Variants in CNTNAP5 observed in about 807,000 individuals in gnomAD.
CNTNAP5 encodes the protein contactin associated protein family member 5.
In CNTNAP5, 72 loss-of-function variants were observed where a neutral mutation model predicts 150.2. The observed-to-expected ratio is 0.48, with a 90% confidence interval of 0.40 to 0.58. The LOEUF (loss-of-function observed/expected upper bound fraction) is 0.58, where lower values mean the gene tolerates loss of function less well. CNTNAP5 is among the 20% of genes least tolerant of loss of function. The pLI is 0.00. For missense variants in CNTNAP5, 1,636 were observed against 1,626.2 expected (o/e 1.01, Z -0.10); for synonymous variants, 672 against 619.8 (o/e 1.08, Z -1.25).
intron 7 of CNTNAP5, among the ~76,000 whole-genome samples, chr2:124,476,632 A>G (rs541935334): frequency 2.0e-5 from 3 of 152,258 alleles, no homozygotes; most frequent in African/African-American, 7.2e-5. Context: ...ACTTGGTTCT[A>G]TCTGACAATG....
chr2:124,553,104 C>A (rs1217638683), intron 10 of CNTNAP5, among the ~76,000 whole-genome samples: 2 of 152,074 alleles, frequency 1.3e-5, no homozygotes, highest in Non-Finnish European at 2.9e-5. Context: ...TTTAAAATGC[C>A]ACTGTGTCCA....
intron 1 of CNTNAP5, chr2:124,134,997 A>G (rs1177727985): frequency 1.3e-5 from 2 of 152,212 alleles, no homozygotes; most frequent in Non-Finnish European, 2.9e-5. Flanking sequence ...CATTGAAATG[A>G]AAGGGATAAG....
At chr2:124,429,954 G>A (rs1175787414) in intron 4 of CNTNAP5, among the ~76,000 whole-genome samples, 3 of 152,156 alleles carry the variant, frequency 2.0e-5, no homozygotes, top group Non-Finnish European at 4.4e-5. Context: ...AGTCCATTGC[G>A]AGGCTCTGAA....
chr2:124,473,084 A>G (rs1436460957), intron 6 of CNTNAP5, among the ~76,000 whole-genome samples: 1 of 152,096 alleles, frequency 6.6e-6, no homozygotes, highest in Non-Finnish European at 1.5e-5. Context: ...CAGCATTTAC[A>G]TGATAAAATG....
intron 3 of CNTNAP5, among the ~76,000 whole-genome samples, chr2:124,306,934 G>T (rs1164201792): frequency 6.6e-6 from 1 of 151,704 alleles, no homozygotes; most frequent in Admixed American, 6.6e-5. Context: ...CACCATGTTG[G>T]CCAGGATGGT....
At chr2:124,723,074 C>CT (rs1218196104) in intron 13 of CNTNAP5, among the ~76,000 whole-genome samples, 1 of 152,126 alleles carries the variant, frequency 6.6e-6, no homozygotes, top group African/African-American at 2.4e-5. Flanking sequence ...CCACTTTCTA[C>CT]TTTTTGGCAA....
intron 1 of CNTNAP5, among the ~76,000 whole-genome samples, chr2:124,171,924 C>T (rs1208785246): frequency 6.6e-6 from 1 of 152,190 alleles, no homozygotes; most frequent in Non-Finnish European, 1.5e-5. Context: ...CTTGTGTACT[C>T]AAAGGCTGGC....
intron 6 of CNTNAP5, among the ~76,000 whole-genome samples, chr2:124,461,860 C>CAAAA (rs59177385): frequency 1.1e-5 from 1 of 87,112 alleles, no homozygotes. Context: ...GATTCCACCT[C>CAAAA]AAAAAAAAAA....
chr2:124,398,266 A>G (rs1691308725), intron 3 of CNTNAP5, among the ~76,000 whole-genome samples: 1 of 152,154 alleles, frequency 6.6e-6, no homozygotes, highest in South Asian at 2.1e-4. Flanking sequence ...GACAGCAAAT[A>G]CCATTAGGAT....
chr2:124,155,545 A>T (rs1159013508), intron 1 of CNTNAP5, among the ~76,000 whole-genome samples: 4 of 152,016 alleles, frequency 2.6e-5, no homozygotes, highest in African/African-American at 9.7e-5. Context: ...AAAAAATAGG[A>T]TTTACTAGGA....
At position 124,798,107 on chromosome 2, in the gene CNTNAP5, G is replaced by A. The variant is rs372306288; in HGVS notation, c.3004G>A (p.Val1002Ile). Residue 1002 changes from valine to isoleucine, a missense_variant, in exon 19 of 24, where the codon GTT (valine) becomes ATT (isoleucine). Val to Ile is a conservative substitution (Grantham distance 29). Coordinates refer to ENST00000682447, the MANE Select transcript of CNTNAP5 (RefSeq NM_001367498.1). ...GPFCKKEVSAVFEAGTSVTYM... is the reference protein window; with the variant it reads ...GPFCKKEVSAIFEAGTSVTYM... ...CTTATATTTTGCAGAGGTTTCTGCT[G>A]TTTTTGAGGCTGGCACGTCGGTTAC... The A allele has an allele frequency of 1.2e-6, 2 of 1,609,734 alleles. No individual in the cohort carries two copies. Among genetic ancestry groups the A allele is most frequent in the East Asian group, 2.2e-5 (1 of 44,768 alleles).
intron 3 of CNTNAP5, among the ~76,000 whole-genome samples, chr2:124,404,648 T>C (rs1691523398): frequency 6.6e-6 from 1 of 152,226 alleles, no homozygotes; most frequent in Admixed American, 6.5e-5. Flanking sequence ...CTTTCACTTC[T>C]GGCATATTCT....
intron 1 of CNTNAP5, among the ~76,000 whole-genome samples, chr2:124,219,600 G>A (rs1686250031): frequency 2.6e-5 from 4 of 151,942 alleles, no homozygotes; most frequent in African/African-American, 4.8e-5. Context: ...ATATGTGTTT[G>A]TGTGTGTGTG....
intron 13 of CNTNAP5, among the ~76,000 whole-genome samples, chr2:124,733,096 A>C (rs1418525976): frequency 3.3e-5 from 5 of 152,120 alleles, no homozygotes; most frequent in Non-Finnish European, 7.4e-5. Flanking sequence ...TATTTAAGAA[A>C]AGATTAGGAG....
At chr2:124,264,024 A>G (rs1405285509) in intron 3 of CNTNAP5, among the ~76,000 whole-genome samples, 2 of 152,182 alleles carry the variant, frequency 1.3e-5, no homozygotes, top group African/African-American at 4.8e-5. Context: ...TTTTAGTACC[A>G]GTACCATGCT....
intron 3 of CNTNAP5, among the ~76,000 whole-genome samples, chr2:124,400,533 C>A (rs1232524211): frequency 6.6e-6 from 1 of 152,168 alleles, no homozygotes; most frequent in African/African-American, 2.4e-5. Context: ...GCCCTTGCTG[C>A]AATATCACTC....
Position 124,799,448 on chromosome 2 carries a change from T to A in CNTNAP5, c.3217+1128T>A, listed in dbSNP as rs191424740. On this transcript the variant is annotated intron_variant, in intron 19 of 23. Coordinates refer to ENST00000682447, the MANE Select transcript of CNTNAP5 (RefSeq NM_001367498.1). ...TACAACAGTATGATATAAAAAACAC[T>A]GTCCTGTGATCAAGAATACAACTTT... 3.5e-3 allele frequency among the ~76,000 whole-genome samples: 539 copies of A among 152,298 alleles called. 2 individuals are homozygous for A. Among genetic ancestry groups the A allele is most frequent in the Middle Eastern group, 0.031 (9 of 294 alleles).
intron 1 of CNTNAP5, among the ~76,000 whole-genome samples, chr2:124,194,395 ATATATATATATATAT>A (rs1325987824): frequency 5.1e-4 from 13 of 25,582 alleles, no homozygotes; most frequent in African/African-American, 9.8e-4. Context: ...ATATATATAT[ATATATATATATATAT>A]AAATATAAAT....
At chr2:124,210,691 C>T (rs1432739917) in intron 1 of CNTNAP5, among the ~76,000 whole-genome samples, 1 of 152,140 alleles carries the variant, frequency 6.6e-6, no homozygotes, top group African/African-American at 2.4e-5. Flanking sequence ...ATACTAATTG[C>T]TGTGACTCTC....
Sources: allele counts gnomAD v4.1 joint callset (sites outside exome capture counted in the v4.1 genomes callset), GRCh38; gene constraint gnomAD v4.1.1; transcripts MANE v1.5; gene names NCBI Gene and HGNC (gene_info 2026-07-23, HGNC 2026-07-21).